SLC22A23: variants seen among roughly 807,000 people sequenced by gnomAD.
The protein encoded by SLC22A23 is solute carrier family 22 member 23.
A neutral mutation model predicts 61.0 loss-of-function variants in SLC22A23; 26 were observed. That is an observed-to-expected ratio of 0.43 (90% CI 0.31 to 0.59). The LOEUF (loss-of-function observed/expected upper bound fraction) is 0.59, where lower values mean the gene tolerates loss of function less well. SLC22A23 is among the 20% of genes least tolerant of loss of function. SLC22A23 has a pLI of 0.11. For synonymous variants in SLC22A23, 430 were observed against 413.9 expected (o/e 1.04, Z -0.47); for missense variants, 796 against 934.7 (o/e 0.85, Z 1.94).
intron 1 of SLC22A23, among the ~76,000 whole-genome samples, chr6:3,453,826 T>C (rs1443330287): frequency 1.3e-5 from 2 of 152,154 alleles, no homozygotes; most frequent in African/African-American, 4.8e-5. Flanking sequence ...CACTTTCTGC[T>C]TCTACTTGGG....
Position 3,342,059 on chromosome 6 carries a change from T to C in SLC22A23, c.914-18057A>G, listed in dbSNP as rs566293273. Among the ~76,000 whole-genome samples, 28 of 151,888 alleles carry C rather than the reference T, an allele frequency of 1.8e-4. No homozygotes were observed. Among genetic ancestry groups the C allele is most frequent in the Non-Finnish European group, 2.5e-4 (17 of 68,010 alleles). ...AATGAAAGATTAATGAAGCTTTAAT[T>C]AAGATTTCTTCTTAATGAAAGCTGC... is the stretch of plus-strand genomic sequence containing the variant. On this transcript the variant is annotated intron_variant, in intron 3 of 9. Coordinates refer to ENST00000406686, the MANE Select transcript of SLC22A23 (RefSeq NM_015482.2). This position sits in a 1 kb window ranked among gnomAD's most constrained non-coding sequence, Gnocchi z 4.0.
chr6:3,456,245 G>C lies in SLC22A23; in HGVS notation c.315C>G (p.Ile105Met), dbSNP rs768583176. The C allele has an allele frequency of 6.4e-7, 1 of 1,551,472 alleles. No individual in the cohort carries two copies. The highest frequency in any genetic ancestry group is 1.2e-5 in the South Asian group (1 of 84,056). ...YQKTLVLLTW[I>M]PALFIGFSQF... ...GGCTGAAGCCGATGAACAGCGCCGG[G>C]ATCCAGGTGAGCAGCACGAGGGTCT... The change falls in exon 1 of 10, where the codon ATC (isoleucine) becomes ATG (methionine). Residue 105 changes from isoleucine to methionine, a missense_variant. Ile to Met is a conservative substitution (Grantham distance 10). Coordinates refer to ENST00000406686, the MANE Select transcript of SLC22A23 (RefSeq NM_015482.2). The surrounding 1 kb of genome is among the most constrained non-coding windows in gnomAD (Gnocchi z 7.1).
intron 1 of SLC22A23, among the ~76,000 whole-genome samples, chr6:3,449,807 A>G (rs1355355301): frequency 1.3e-5 from 2 of 152,212 alleles, no homozygotes; most frequent in Non-Finnish European, 2.9e-5. Flanking sequence ...ACTTCTAAAA[A>G]TTTCTTACAC....
chr6:3,438,832 G>A (rs1052313275), intron 1 of SLC22A23, among the ~76,000 whole-genome samples: 3 of 152,078 alleles, frequency 2.0e-5, no homozygotes, highest in African/African-American at 7.2e-5. Context: ...ATTCCATAAC[G>A]AGCTCAGCAA....
At chr6:3,288,129 G>C (rs776805698) in intron 6 of SLC22A23, among the ~76,000 whole-genome samples, 7 of 152,198 alleles carry the variant, frequency 4.6e-5, no homozygotes, top group Non-Finnish European at 1.0e-4. Context: ...ACCCTCCCAC[G>C]GAGGCTGCTG....
At chr6:3,298,324 T>C in intron 4 of SLC22A23, 106 bp from the exon 5 acceptor site, 1 of 1,330,662 alleles carries the variant, frequency 7.5e-7, no homozygotes, top group African/African-American at 1.5e-5. Context: ...TGGCGGTCAG[T>C]CTCCAGACAC....
At position 3,454,620 on chromosome 6, in the gene SLC22A23, C is replaced by G. The variant is rs966874014; in HGVS notation, c.654+1286G>C. ...GAAGGGAAAACAGTCACAGAAACAC[C>G]TTTAGAAAGCAGGGGGTAGGAGGTG... On this transcript the variant is annotated intron_variant, in intron 1 of 9. Coordinates refer to ENST00000406686, the MANE Select transcript of SLC22A23 (RefSeq NM_015482.2). The surrounding 1 kb of genome is among the most constrained non-coding windows in gnomAD (Gnocchi z 4.3). Among the ~76,000 whole-genome samples the G allele has an allele frequency of 1.3e-5, 2 of 152,106 alleles. No homozygotes were observed. The highest frequency in any genetic ancestry group is 2.1e-4 in the South Asian group (1 of 4,818).
At position 3,271,219 on chromosome 6, in the gene SLC22A23, T is replaced by A. The variant is rs576777566; in HGVS notation, c.*1836A>T. ...ATGTTGAAACATGGAAATGTGACTT[T>A]AAAAAAGAGGGAAGGTGAGGAGCTG... On this transcript the variant is annotated 3_prime_UTR_variant, in exon 10 of 10. Transcript: ENST00000406686. 3.2e-4 allele frequency: 33 copies of A among 103,164 alleles called. No homozygotes were observed. The highest frequency in any genetic ancestry group is 1.1e-3 in the African/African-American group (29 of 27,556). The allele number at this position is 103,164 out of a possible 1,614,324, so 6.4% of individuals were successfully genotyped here. A position where few individuals can be genotyped will look rare whatever the true frequency, so the allele number is the denominator to read the frequency against.
intron 8 of SLC22A23, 144 bp downstream of exon 8, chr6:3,284,935 C>T (rs1016790825): frequency 6.5e-7 from 1 of 1,544,804 alleles, no homozygotes; most frequent in Non-Finnish European, 8.7e-7. Flanking sequence ...TAGTGTCCAA[C>T]CTACGGCCAA....
Position 3,456,396 on chromosome 6 carries a change from G to A in SLC22A23, c.164C>T (p.Pro55Leu), listed in dbSNP as rs1301209279. The A allele has an allele frequency of 6.6e-7, 1 of 1,511,032 alleles. No homozygotes were observed. Among genetic ancestry groups the A allele is most frequent in the Non-Finnish European group, 8.9e-7 (1 of 1,126,616 alleles). 93.6% of individuals were successfully genotyped at this position (1,511,032 alleles called of 1,614,324 possible). The change falls in exon 1 of 10, where the codon CCA (proline) becomes CTA (leucine). Residue 55 changes from proline to leucine, a missense_variant. Transcript: ENST00000406686. The surrounding 1 kb of genome is among the most constrained non-coding windows in gnomAD (Gnocchi z 7.1). ...GGGAEIQPLP[P>L]LHPGGGPHPS... The stretch of plus-strand genomic sequence containing the variant: ...GTGCGGGCCGCCTCCAGGATGCAGT[G>A]GGGGCAGCGGCTGGATCTCCGCGCC...
intron 1 of SLC22A23, among the ~76,000 whole-genome samples, chr6:3,438,124 C>A (rs1052997478): frequency 6.6e-6 from 1 of 152,110 alleles, no homozygotes; most frequent in African/African-American, 2.4e-5. Context: ...GTCTCCCCTG[C>A]CACCACCATT....
rs916943478 is a variant in SLC22A23, at chr6:3,333,020, G to A, written c.914-9018C>T. On this transcript the variant is annotated intron_variant, in intron 3 of 9. Transcript: ENST00000406686. The surrounding 1 kb of genome is among the most constrained non-coding windows in gnomAD (Gnocchi z 4.1). Reference sequence around the variant, plus strand: ...TTTTTGGAAGAGCGTATCGCAGCTGGTGCCTGTGCGTCACGGTGCTGCCCC... The same window carrying A: ...TTTTTGGAAGAGCGTATCGCAGCTGATGCCTGTGCGTCACGGTGCTGCCCC... 6.6e-6 allele frequency among the ~76,000 whole-genome samples: 1 copy of A among 152,108 alleles called. No homozygotes were observed. Among genetic ancestry groups the A allele is most frequent in the Admixed American group, 6.5e-5 (1 of 15,290 alleles).
intron 9 of SLC22A23, among the ~76,000 whole-genome samples, chr6:3,273,953 GC>G (rs1032297465): frequency 8.5e-5 from 13 of 152,170 alleles, no homozygotes; most frequent in African/African-American, 3.1e-4. Flanking sequence ...TGAGTTGATG[GC>G]CCACGTGTCT....
At chr6:3,366,087 T>C (rs1765792078) in intron 3 of SLC22A23, among the ~76,000 whole-genome samples, 1 of 151,840 alleles carries the variant, frequency 6.6e-6, no homozygotes, top group Non-Finnish European at 1.5e-5. Context: ...TCCCAGCACT[T>C]TGGGAGGCCA....
intron 9 of SLC22A23, among the ~76,000 whole-genome samples, chr6:3,281,581 C>G (rs998107191): frequency 6.6e-6 from 1 of 152,258 alleles, no homozygotes; most frequent in Admixed American, 6.5e-5. Flanking sequence ...AAGGCTAGTT[C>G]TGTGCTAAGA....
At chr6:3,284,753 C>T (rs966160429) in intron 8 of SLC22A23, among the ~76,000 whole-genome samples, 9 of 152,234 alleles carry the variant, frequency 5.9e-5, no homozygotes, top group African/African-American at 2.2e-4. Flanking sequence ...AGGCTTTCTC[C>T]CCCCACCCAG....
chr6:3,304,467 A>C lies in SLC22A23; in HGVS notation c.1083-6249T>G, dbSNP rs1316691999. On this transcript the variant is annotated intron_variant, in intron 4 of 9. Coordinates refer to ENST00000406686, the MANE Select transcript of SLC22A23 (RefSeq NM_015482.2). This position sits in a 1 kb window ranked among gnomAD's most constrained non-coding sequence, Gnocchi z 4.3. ...AAGGCGTGGTGTGACCTTAGGATTT[A>C]AGAAGTGGGTATGGGCCTCTTTGGG... Among the ~76,000 whole-genome samples the C allele has an allele frequency of 1.3e-5, 2 of 151,498 alleles. No homozygotes were observed. The highest frequency in any genetic ancestry group is 2.9e-5 in the Non-Finnish European group (2 of 67,960).
At chr6:3,382,879 CTGATGGAA>C (rs1329760268) in intron 3 of SLC22A23, among the ~76,000 whole-genome samples, 1 of 152,132 alleles carries the variant, frequency 6.6e-6, no homozygotes, top group African/African-American at 2.4e-5. Flanking sequence ...CTGCTGATTA[CTGATGGAA>C]TGATGGAATG....
chr6:3,279,509 CAAAAAAA>C (rs10642564), intron 9 of SLC22A23, among the ~76,000 whole-genome samples: 72 of 36,016 alleles, frequency 2.0e-3, no homozygotes, highest in Non-Finnish European at 2.3e-3. Context: ...GGCTCCGTCT[CAAAAAAA>C]AAAAAAAAAA....
Sources: allele counts gnomAD v4.1 joint callset (sites outside exome capture counted in the v4.1 genomes callset), GRCh38; gene constraint gnomAD v4.1.1; non-coding constraint Gnocchi (gnomAD v3.1); transcripts MANE v1.5; gene names NCBI Gene and HGNC (gene_info 2026-07-23, HGNC 2026-07-21).